MSRB3: variants seen among roughly 807,000 people sequenced by gnomAD.
MSRB3 encodes methionine-R-sulfoxide reductase B3.
Under a neutral mutation model 21.0 loss-of-function variants are expected in MSRB3, and 13 were observed. The ratio of observed to expected loss-of-function variants is 0.62; its 90% CI spans 0.40 to 0.98. The LOEUF is 0.98. MSRB3 is among the 50% of genes least tolerant of loss of function. The pLI is 0.00. For missense variants in MSRB3, 199 were observed against 230.3 expected, an observed-to-expected ratio of 0.86 and a Z score of 0.88; for synonymous variants, 87 against 88.6, an observed-to-expected ratio of 0.98 and a Z score of 0.10.
intron 4 of MSRB3, among the ~76,000 whole-genome samples, chr12:65,329,633 G>A (rs1386820897): frequency 2.0e-5 from 3 of 147,294 alleles, no homozygotes; most frequent in Admixed American, 2.0e-4. Context: ...GGGCGACAGA[G>A]TAAGATTCCG....
chr12:65,389,070 T>C (rs576407200), intron 5 of MSRB3, among the ~76,000 whole-genome samples: 1 of 152,316 alleles, frequency 6.6e-6, no homozygotes, highest in South Asian at 2.1e-4. Flanking sequence ...TTTCATGTCT[T>C]CATTGTTATG....
chr12:65,446,573 A>G (rs1882628290), intron 5 of MSRB3, among the ~76,000 whole-genome samples: 1 of 152,216 alleles, frequency 6.6e-6, no homozygotes, highest in Non-Finnish European at 1.5e-5. Context: ...AACTGAGCAT[A>G]CATGTTTGTT....
chr12:65,441,042 AT>A (rs112803063), intron 5 of MSRB3, among the ~76,000 whole-genome samples: 8 of 150,620 alleles, frequency 5.3e-5, no homozygotes, highest in Admixed American at 3.3e-4. Context: ...ATTGAATTTC[AT>A]TTTTTTTTGG....
intron 4 of MSRB3, among the ~76,000 whole-genome samples, chr12:65,333,708 T>C (rs1875574140): frequency 6.6e-6 from 1 of 152,238 alleles, no homozygotes; most frequent in Non-Finnish European, 1.5e-5. Flanking sequence ...TGAATGTCCC[T>C]CATCTCTGCT....
At chr12:65,430,886 A>G (rs556306650) in intron 5 of MSRB3, among the ~76,000 whole-genome samples, 2 of 152,216 alleles carry the variant, frequency 1.3e-5, no homozygotes, top group South Asian at 4.1e-4. Flanking sequence ...ATGCCACTTC[A>G]TACAGGCAAG....
chr12:65,448,275 T>A (rs1882707387), intron 5 of MSRB3, among the ~76,000 whole-genome samples: 1 of 152,132 alleles, frequency 6.6e-6, no homozygotes, highest in Non-Finnish European at 1.5e-5. Flanking sequence ...ATGAGATAGT[T>A]TTTTTGGAAC....
intron 5 of MSRB3, among the ~76,000 whole-genome samples, chr12:65,396,265 A>AACATAC (rs1410221074): frequency 6.6e-6 from 1 of 152,210 alleles, no homozygotes; most frequent in Non-Finnish European, 1.5e-5. Context: ...TCCATGTGCC[A>AACATAC]TTTAGAAGTA....
chr12:65,460,334 G>A (rs6581639), intron 6 of MSRB3, among the ~76,000 whole-genome samples: 63,478 of 152,026 alleles, frequency 0.42, 13,476 homozygotes, highest in Middle Eastern at 0.56. Context: ...CTCCGTGCGC[G>A]TACTCTCAGG....
chr12:65,369,436 A>C (rs1878198478), intron 5 of MSRB3, among the ~76,000 whole-genome samples: 1 of 152,214 alleles, frequency 6.6e-6, no homozygotes, highest in East Asian at 1.9e-4. Context: ...GCCAATAGAA[A>C]TAGAAATTTG....
intron 1 of MSRB3, among the ~76,000 whole-genome samples, chr12:65,306,020 A>G (rs1308616632): frequency 1.3e-5 from 2 of 152,322 alleles, no homozygotes; most frequent in Admixed American, 1.3e-4. Flanking sequence ...TTATTTAATC[A>G]TTATCTTATA....
chr12:65,375,013 CTT>C (rs34940463), intron 5 of MSRB3, among the ~76,000 whole-genome samples: 40 of 140,320 alleles, frequency 2.9e-4, no homozygotes, highest in Admixed American at 3.5e-4. Context: ...CCACGCCTGG[CTT>C]TTTTTTTTTT....
At chr12:65,422,428 A>T (rs9668072) in intron 5 of MSRB3, among the ~76,000 whole-genome samples, 1,476 of 72,166 alleles carry the variant, frequency 0.02, 22 homozygotes, top group African/African-American at 0.035. Flanking sequence ...ATATATATAT[A>T]TATTTATTTA....
At chr12:65,450,902 T>G (rs979029450) in intron 5 of MSRB3, among the ~76,000 whole-genome samples, 3 of 152,254 alleles carry the variant, frequency 2.0e-5, no homozygotes, top group African/African-American at 7.2e-5. Flanking sequence ...CTGTCATCAC[T>G]GTGGCTTCTC....
At chr12:65,280,949 C>T (rs115200874) in intron 1 of MSRB3, among the ~76,000 whole-genome samples, 1,793 of 152,210 alleles carry the variant, frequency 0.012, 37 homozygotes, top group African/African-American at 0.041. Flanking sequence ...ATTTTAAGGC[C>T]ACGTGTGGTG....
chr12:65,389,610 A>G (rs538997334), intron 5 of MSRB3, among the ~76,000 whole-genome samples: 1 of 152,060 alleles, frequency 6.6e-6, no homozygotes, highest in Non-Finnish European at 1.5e-5. Flanking sequence ...AGTGTCTTCA[A>G]CCTCCATGTC....
Position 65,328,251 on chromosome 12 carries a change from T to C in MSRB3, c.186-275T>C, listed in dbSNP as rs899440893. On this transcript the variant is annotated intron_variant, in intron 3 of 6. Transcript: ENST00000308259. ...CTGTGAATCTAAACTACAGGCTTTTTTTTTTAATAGAAAAAAATCTTTTTC... is the reference window on the plus strand; with the variant it reads ...CTGTGAATCTAAACTACAGGCTTTTCTTTTTAATAGAAAAAAATCTTTTTC... 3.9e-5 allele frequency among the ~76,000 whole-genome samples: 6 copies of C among 152,288 alleles called. No homozygotes were observed. The East Asian group carries it at 9.6e-4, about 24-fold the overall frequency.
In MSRB3 at chr12:65,463,573, C is replaced by A. The variant is rs2136723612; in HGVS notation, c.*251C>A. ...AAACTTCTTCACAAGCCACTTATAC[C>A]CTTTGGCATTCTTTTCTTTGAGCAC... On this transcript the variant is annotated 3_prime_UTR_variant, in exon 7 of 7. Coordinates refer to ENST00000308259, the MANE Select transcript of MSRB3 (RefSeq NM_001031679.3). 3 of 477,236 alleles carry A rather than the reference C, an allele frequency of 6.3e-6. No homozygotes were observed. Among genetic ancestry groups the A allele is most frequent in the East Asian group, 4.0e-5 (1 of 24,732 alleles). The allele number at this position is 477,236 out of a possible 1,614,324, so 29.6% of individuals were successfully genotyped here.
chr12:65,437,533 C>G (rs1260417844), intron 5 of MSRB3, among the ~76,000 whole-genome samples: 4 of 151,548 alleles, frequency 2.6e-5, no homozygotes, highest in Non-Finnish European at 5.9e-5. Context: ...AGAAAAATAA[C>G]AACATATCTA....
chr12:65,447,970 A>C (rs777248453), intron 5 of MSRB3, among the ~76,000 whole-genome samples: 7 of 152,250 alleles, frequency 4.6e-5, no homozygotes, highest in Non-Finnish European at 1.0e-4. Context: ...CCTTTTAACA[A>C]GTGTTGCTGT....
Sources: allele counts gnomAD v4.1 joint callset (sites outside exome capture counted in the v4.1 genomes callset), GRCh38; gene constraint gnomAD v4.1.1; transcripts MANE v1.5; gene names NCBI Gene and HGNC (gene_info 2026-07-23, HGNC 2026-07-21).